Variants in DOT1L observed in about 807,000 individuals in gnomAD.
DOT1L encodes histone-lysine N-methyltransferase, H3 lysine-79 specific.
In DOT1L, 33 loss-of-function variants were observed where a neutral mutation model predicts 153.3. That is an observed-to-expected ratio of 0.22 (90% confidence interval 0.16 to 0.29). The LOEUF is 0.29. Ranked by LOEUF, DOT1L falls within the 10% of genes least tolerant of loss-of-function variation. The pLI is 1.00. For missense variants in DOT1L, 1,847 were observed against 2,119.9 expected (o/e 0.87, Z 2.53); for synonymous variants, 1,135 against 965.1 (o/e 1.18, Z -3.26).
Position 2,231,568 on chromosome 19 carries a change from T to G in DOT1L, c.*1776T>G, listed in dbSNP as rs1354288536. 1 of 192,860 alleles carries G rather than the reference T, an allele frequency of 5.2e-6. No homozygotes were observed. Among genetic ancestry groups the G allele is most frequent in the Admixed American group, 6.2e-5 (1 of 16,250 alleles). 11.9% of individuals were successfully genotyped at this position (192,860 alleles called of 1,614,324 possible). ...TGAAGATGGTGCTCCGGACCTGTCC[T>G]CTTAAGTGGTGCCCAGTGCCCTCCC... On this transcript the variant is annotated 3_prime_UTR_variant, in exon 28 of 28. Transcript: ENST00000398665.
At position 2,204,152 on chromosome 19, in the gene DOT1L, CGTGTGCCT is replaced by C. The variant is rs1166634240; in HGVS notation, c.787+1379_787+1386del. On this transcript the variant is annotated intron_variant, in intron 9 of 27. Transcript: ENST00000398665. This position sits in a 1 kb window ranked among gnomAD's most constrained non-coding sequence, Gnocchi z 5.7. ...GCATGCCTGTGTCTCTGTGTGTGCC[CGTGTGCCT>C]GTGTGTCTGTTAGCGTGTCTCTGTG... 1.3e-5 allele frequency among the ~76,000 whole-genome samples: 2 copies of C among 151,090 alleles called. No homozygotes were observed. The highest frequency in any genetic ancestry group is 3.9e-4 in the East Asian group (2 of 5,154).
chr19:2,171,060 T>C (rs2021593685), intron 1 of DOT1L, among the ~76,000 whole-genome samples: 1 of 152,224 alleles, frequency 6.6e-6, no homozygotes, highest in South Asian at 2.1e-4. Flanking sequence ...CCTCCCAGGC[T>C]GAAAGGATTC....
chr19:2,190,263 C>T lies in DOT1L; in HGVS notation c.264+468C>T, dbSNP rs2022734897. ...GAGGCTTTCCTCACAGAGGACGGGGCACACAGTGAGCTGGGGTGTAGCAGG... is the reference window on the plus strand; with the variant it reads ...GAGGCTTTCCTCACAGAGGACGGGGTACACAGTGAGCTGGGGTGTAGCAGG... On this transcript the variant is annotated intron_variant, in intron 4 of 27. Coordinates refer to ENST00000398665, the MANE Select transcript of DOT1L (RefSeq NM_032482.3). This position sits in a 1 kb window ranked among gnomAD's most constrained non-coding sequence, Gnocchi z 4.8. Among the ~76,000 whole-genome samples the T allele has an allele frequency of 1.3e-5, 2 of 152,178 alleles. No individual in the cohort carries two copies. Among genetic ancestry groups the T allele is most frequent in the Non-Finnish European group, 2.9e-5 (2 of 68,018 alleles).
chr19:2,229,051 C>T (rs2024488040), intron 27 of DOT1L: 1 of 985,330 alleles, frequency 1.0e-6, no homozygotes, highest in East Asian at 1.1e-4. Context: ...TGGTCATGGC[C>T]CACAGCCGAG....
In DOT1L at chr19:2,230,358, C is replaced by T. The variant is rs762295853; in HGVS notation, c.*566C>T. ...CTGAGCCCCTTCCTGAGCGCCCTGGCGCCTGCCCTGAGCTCTTCACCTTTA... is the reference window on the plus strand; with the variant it reads ...CTGAGCCCCTTCCTGAGCGCCCTGGTGCCTGCCCTGAGCTCTTCACCTTTA... On this transcript the variant is annotated 3_prime_UTR_variant, in exon 28 of 28. Coordinates refer to ENST00000398665, the MANE Select transcript of DOT1L (RefSeq NM_032482.3). 6.1e-5 allele frequency: 25 copies of T among 411,764 alleles called. No homozygotes were observed. Among genetic ancestry groups the T allele is most frequent in the East Asian group, 1.4e-4 (4 of 28,272 alleles). 25.5% of individuals were successfully genotyped at this position (411,764 alleles called of 1,614,324 possible).
chr19:2,211,558 AGGGGTCAGAG>A (rs2023714922), intron 15 of DOT1L, among the ~76,000 whole-genome samples, 183 bp from the exon 16 acceptor site: 1 of 152,224 alleles, frequency 6.6e-6, no homozygotes, highest in African/African-American at 2.4e-5. Flanking sequence ...TTGGCTGCGC[AGGGGTCAGAG>A]GGCCTGAGTG....
chr19:2,190,162 CA>C lies in DOT1L; in HGVS notation c.264+368del, dbSNP rs2022731229. On this transcript the variant is annotated intron_variant, in intron 4 of 27. Transcript: ENST00000398665. This position sits in a 1 kb window ranked among gnomAD's most constrained non-coding sequence, Gnocchi z 4.8. ...CCGGCCTTCCCCCTTGGACCTCCCC[CA>C]CACCGCCTGCCTTCATCAGGCTGGA... Among the ~76,000 whole-genome samples, 1 of 152,152 alleles carries C rather than the reference CA, an allele frequency of 6.6e-6. No homozygotes were observed. The highest frequency in any genetic ancestry group is 2.1e-4 in the South Asian group (1 of 4,832).
Position 2,229,942 on chromosome 19 carries a change from C to A in DOT1L, c.*150C>A. 7.3e-7 allele frequency: 1 copy of A among 1,373,668 alleles called. No individual in the cohort carries two copies. The highest frequency in any genetic ancestry group is 1.0e-6 in the Non-Finnish European group (1 of 980,738). The allele number at this position is 1,373,668 out of a possible 1,614,324, so 85.1% of individuals were successfully genotyped here. ...TCCACTGTGAATCGGCGGCACGCGC[C>A]GCAGGAGGCTGGGACTGGTCCAGTT... On this transcript the variant is annotated 3_prime_UTR_variant, in exon 28 of 28. Transcript: ENST00000398665.
chr19:2,211,449 T>C (rs1333406416), intron 15 of DOT1L, among the ~76,000 whole-genome samples: 1 of 152,168 alleles, frequency 6.6e-6, no homozygotes, highest in Non-Finnish European at 1.5e-5. Context: ...ACGTCTGCAG[T>C]TGTCATAACT....
chr19:2,207,361 T>C lies in DOT1L; in HGVS notation c.857-213T>C, dbSNP rs532009743. ...CACTCAGCTGGGTTTGTGGCTGTTTTTCTGAGGTTGGAGGGGCCCAGGCCA... is the reference window on the plus strand; with the variant it reads ...CACTCAGCTGGGTTTGTGGCTGTTTCTCTGAGGTTGGAGGGGCCCAGGCCA... On this transcript the variant is annotated intron_variant, in intron 10 of 27. Transcript: ENST00000398665. The surrounding 1 kb of genome is among the most constrained non-coding windows in gnomAD (Gnocchi z 4.5). 7.2e-5 allele frequency among the ~76,000 whole-genome samples: 11 copies of C among 152,318 alleles called. No homozygotes were observed. The East Asian group carries it at 2.1e-3, about 29-fold the overall frequency.
In DOT1L at chr19:2,211,215, G is replaced by A. The variant is rs770225337; in HGVS notation, c.1465+3G>A. On this transcript the variant is annotated splice_donor_region_variant and intron_variant, in intron 15 of 27. Coordinates refer to ENST00000398665, the MANE Select transcript of DOT1L (RefSeq NM_032482.3). ...GCCCGCGCTGCAGAAGCTTCTAGGT[G>A]AGCCCGTGTGAGGCGTCCGGCGAAG... The A allele has an allele frequency of 6.3e-7, 1 of 1,599,898 alleles. No homozygotes were observed. The highest frequency in any genetic ancestry group is 1.1e-5 in the South Asian group (1 of 90,546).
intron 8 of DOT1L, among the ~76,000 whole-genome samples, chr19:2,200,152 C>A (rs1025352180): frequency 6.6e-6 from 1 of 152,150 alleles, no homozygotes; most frequent in African/African-American, 2.4e-5. Flanking sequence ...CCTGTCGGCC[C>A]TGCAGACCCT....
intron 7 of DOT1L, among the ~76,000 whole-genome samples, chr19:2,196,417 C>T (rs1336985677): frequency 1.3e-5 from 2 of 152,224 alleles, no homozygotes; most frequent in Admixed American, 1.3e-4. Context: ...ACTGTAGCCT[C>T]CGCCCCCTGG....
chr19:2,185,533 C>G (rs1176115741), intron 2 of DOT1L, among the ~76,000 whole-genome samples: 1 of 152,152 alleles, frequency 6.6e-6, no homozygotes, highest in Non-Finnish European at 1.5e-5. Context: ...CTGTGGGAGG[C>G]TGAAGTGGGC....
At chr19:2,167,697 C>T (rs2019977600) in intron 1 of DOT1L, among the ~76,000 whole-genome samples, 1 of 151,668 alleles carries the variant, frequency 6.6e-6, no homozygotes, top group Admixed American at 6.6e-5. Flanking sequence ...TGCTTTCTCA[C>T]AAGAAGTGAG....
chr19:2,199,188 G>A (rs1473078902), intron 7 of DOT1L, among the ~76,000 whole-genome samples: 1 of 152,260 alleles, frequency 6.6e-6, no homozygotes, highest in African/African-American at 2.4e-5. Context: ...CAGGTCTTGA[G>A]GTCTGGAGGT....
intron 1 of DOT1L, among the ~76,000 whole-genome samples, chr19:2,178,470 T>C (rs907125318): frequency 6.8e-6 from 1 of 147,294 alleles, no homozygotes; most frequent in African/African-American, 2.5e-5. Flanking sequence ...CAGGCTGGAG[T>C]GCAGTGGCGC....
rs952032606 is a variant in DOT1L, at chr19:2,222,739, A to C, written c.3390+180A>C. On this transcript the variant is annotated intron_variant, in intron 24 of 27. Transcript: ENST00000398665. The surrounding 1 kb of genome is among the most constrained non-coding windows in gnomAD (Gnocchi z 6.5). ...CACGGTGAAACCCCGTCTCTACCAA[A>C]AATACAAAAGATTAGCCGGGCGTGG... The C allele has an allele frequency of 2.5e-5, 16 of 644,712 alleles. No individual in the cohort carries two copies. The highest frequency in any genetic ancestry group is 3.8e-5 in the Non-Finnish European group (15 of 395,768). 39.9% of individuals were successfully genotyped at this position (644,712 alleles called of 1,614,324 possible).
At chr19:2,174,457 C>T (rs909875850) in intron 1 of DOT1L, among the ~76,000 whole-genome samples, 5 of 152,090 alleles carry the variant, frequency 3.3e-5, no homozygotes, top group African/African-American at 4.8e-5. Context: ...GAGGCCGAGG[C>T]GGGCAGATCA....
Sources: allele counts gnomAD v4.1 joint callset (sites outside exome capture counted in the v4.1 genomes callset), GRCh38; gene constraint gnomAD v4.1.1; non-coding constraint Gnocchi (gnomAD v3.1); transcripts MANE v1.5; gene names NCBI Gene and HGNC (gene_info 2026-07-23, HGNC 2026-07-21).